Variants in CFAP20DC observed in about 807,000 individuals in gnomAD.
CFAP20DC encodes the protein CFAP20 domain containing.
CFAP20DC carries 84 observed loss-of-function variants against 101.7 expected under a neutral mutation model. The observed-to-expected ratio is 0.83, with a 90% confidence interval of 0.69 to 0.99. CFAP20DC has a LOEUF of 0.99. Among genes scored for constraint, CFAP20DC ranks in the 50% least tolerant of loss-of-function variants. The pLI is 0.00. For missense variants in CFAP20DC, 1,007 were observed against 970.3 expected (o/e 1.04, Z -0.50); for synonymous variants, 359 against 351.2 (o/e 1.02, Z -0.25).
At position 58,912,487 on chromosome 3, in the gene CFAP20DC, A is replaced by C. The variant is rs1047865954; in HGVS notation, c.550+1221T>G. 6.4e-6 allele frequency: 2 copies of C among 314,138 alleles called. No homozygotes were observed. The highest frequency in any genetic ancestry group is 8.6e-5 in the Admixed American group (2 of 23,298). 19.5% of individuals were successfully genotyped at this position (314,138 alleles called of 1,614,324 possible). A position where few individuals can be genotyped will look rare whatever the true frequency, so the allele number is the denominator to read the frequency against. On this transcript the variant is annotated intron_variant, in intron 6 of 16. Coordinates refer to ENST00000482387, the MANE Select transcript of CFAP20DC (RefSeq NM_001394063.1). The surrounding 1 kb of genome is among the most constrained non-coding windows in gnomAD (Gnocchi z 4.4). ...GCACAGTGTCCTGTTCCACAGAGTG[A>C]GCCACATCAAGATTTCTCAGGCACA...
In CFAP20DC at chr3:58,757,432, G is replaced by T. The variant is rs552609180; in HGVS notation, c.2238-3569C>A. Among the ~76,000 whole-genome samples, 5 of 151,672 alleles carry T rather than the reference G, an allele frequency of 3.3e-5. No homozygotes were observed. The South Asian group carries it at 1.0e-3, about 32-fold the overall frequency. ...ATATATATGATTGTTCACATCTTTT[G>T]CCCTTTCTTCTATCAGATTTTTTAT... On this transcript the variant is annotated intron_variant, in intron 15 of 16. Coordinates refer to ENST00000482387, the MANE Select transcript of CFAP20DC (RefSeq NM_001394063.1).
rs1381424538 is a variant in CFAP20DC at position 58,911,374 on chromosome 3, AT to A, written c.550+2333del. On this transcript the variant is annotated intron_variant, in intron 6 of 16. Coordinates refer to ENST00000482387, the MANE Select transcript of CFAP20DC (RefSeq NM_001394063.1). ...CATGAAATATGTACTATGTGATTCC[AT>A]TTATATAAATGTAAAAGATAGGTAA... Among the ~76,000 whole-genome samples, 3 of 152,192 alleles carry A rather than the reference AT, an allele frequency of 2.0e-5. No individual in the cohort carries two copies. In the East Asian group the frequency reaches 5.8e-4, roughly 29 times the overall value.
rs1306838410 is a variant in CFAP20DC, at chr3:59,015,269, G to C, written c.278+24288C>G. ...CCTCAGGCACCCACTTTCTCTTCTT[G>C]AGTAAGTTTACTCCCACAGGAGTAG... On this transcript the variant is annotated intron_variant, in intron 4 of 16. Coordinates refer to ENST00000482387, the MANE Select transcript of CFAP20DC (RefSeq NM_001394063.1). This position sits in a 1 kb window ranked among gnomAD's most constrained non-coding sequence, Gnocchi z 5.4. 6.6e-6 allele frequency among the ~76,000 whole-genome samples: 1 copy of C among 151,972 alleles called. No individual in the cohort carries two copies. Among genetic ancestry groups the C allele is most frequent in the African/African-American group, 2.4e-5 (1 of 41,374 alleles).
chr3:58,896,026 C>G (rs781617076), intron 6 of CFAP20DC, among the ~76,000 whole-genome samples: 1 of 152,190 alleles, frequency 6.6e-6, no homozygotes, highest in Non-Finnish European at 1.5e-5. Context: ...AAGATGAGAT[C>G]TGGGTGGGGA....
intron 15 of CFAP20DC, among the ~76,000 whole-genome samples, chr3:58,763,192 G>T (rs1336968897): frequency 2.0e-5 from 3 of 151,996 alleles, no homozygotes; most frequent in Admixed American, 2.0e-4. Flanking sequence ...ACGTAGATTT[G>T]GTCTTTTCAC....
chr3:58,874,068 C>T lies in CFAP20DC; in HGVS notation c.716-3759G>A, dbSNP rs1419045109. Among the ~76,000 whole-genome samples, 1 of 152,232 alleles carries T rather than the reference C, an allele frequency of 6.6e-6. No individual in the cohort carries two copies. The highest frequency in any genetic ancestry group is 1.9e-4 in the East Asian group (1 of 5,200). On this transcript the variant is annotated intron_variant, in intron 7 of 16. Transcript: ENST00000482387. This position sits in a 1 kb window ranked among gnomAD's most constrained non-coding sequence, Gnocchi z 5.1. The stretch of plus-strand genomic sequence containing the variant: ...CTTAATTTATATCTCTTAGCCTTGT[C>T]CTCTCTTCTGAGCTCCACTCCTTAT...
intron 3 of CFAP20DC, among the ~76,000 whole-genome samples, chr3:58,731,529 G>A (rs2067646137): frequency 6.6e-6 from 1 of 152,206 alleles, no homozygotes; most frequent in Non-Finnish European, 1.5e-5. Context: ...TGGGAAGAGT[G>A]AAAGGATGCC....
At chr3:58,793,743 A>G (rs2073033834) in intron 15 of CFAP20DC, among the ~76,000 whole-genome samples, 1 of 152,178 alleles carries the variant, frequency 6.6e-6, no homozygotes, top group South Asian at 2.1e-4. Flanking sequence ...TCATTACCAT[A>G]AATGTCACTG....
At chr3:58,968,032 G>C (rs537477465) in intron 4 of CFAP20DC, among the ~76,000 whole-genome samples, 1 of 152,174 alleles carries the variant, frequency 6.6e-6, no homozygotes, top group Non-Finnish European at 1.5e-5. Context: ...TCCTGCAAAA[G>C]ACATGATCTT....
rs1181654552 is a variant in CFAP20DC at position 59,002,071 on chromosome 3, G to T, written c.278+37486C>A. Among the ~76,000 whole-genome samples the T allele has an allele frequency of 1.3e-5, 2 of 152,202 alleles. No individual in the cohort carries two copies. Among genetic ancestry groups the T allele is most frequent in the Non-Finnish European group, 2.9e-5 (2 of 68,032 alleles). The stretch of plus-strand genomic sequence containing the variant: ...TCGTTTACCTAGGAGGCAATATCAT[G>T]AAGTTAAAAGTCCATGGATTGTCAG... On this transcript the variant is annotated intron_variant, in intron 4 of 16. Coordinates refer to ENST00000482387, the MANE Select transcript of CFAP20DC (RefSeq NM_001394063.1). The surrounding 1 kb of genome is among the most constrained non-coding windows in gnomAD (Gnocchi z 4.5).
At chr3:58,794,347 G>T (rs1292675824) in intron 15 of CFAP20DC, 2 of 455,708 alleles carry the variant, frequency 4.4e-6, no homozygotes, top group South Asian at 3.1e-5. Flanking sequence ...AAAATCAATG[G>T]ACAAGAAAGA....
chr3:58,748,879 C>T (rs2068378638), intron 16 of CFAP20DC, among the ~76,000 whole-genome samples: 1 of 152,170 alleles, frequency 6.6e-6, no homozygotes, highest in Admixed American at 6.5e-5. Context: ...GATGCACACT[C>T]AGGGTCTGTG....
At chr3:58,932,643 T>A (rs1308873900) in intron 5 of CFAP20DC, among the ~76,000 whole-genome samples, 1 of 152,150 alleles carries the variant, frequency 6.6e-6, no homozygotes, top group African/African-American at 2.4e-5. Context: ...AAAAGAATTT[T>A]CAACCCAGAA....
intron 16 of CFAP20DC, among the ~76,000 whole-genome samples, chr3:58,748,394 G>C (rs1271697065): frequency 6.6e-6 from 1 of 152,152 alleles, no homozygotes; most frequent in East Asian, 1.9e-4. Context: ...TCTGGAATAG[G>C]AGAAAGAGCC....
intron 4 of CFAP20DC, among the ~76,000 whole-genome samples, chr3:58,996,315 T>C (rs566061596): frequency 3.3e-5 from 5 of 152,332 alleles, no homozygotes; most frequent in African/African-American, 9.6e-5. Context: ...CTTCCTGATA[T>C]CTGGGAAAGC....
At chr3:59,037,929 C>T (rs774106423) in intron 4 of CFAP20DC, among the ~76,000 whole-genome samples, 11 of 152,054 alleles carry the variant, frequency 7.2e-5, no homozygotes, top group Non-Finnish European at 1.5e-4. Flanking sequence ...ATATGCACCA[C>T]GGAATACTAT....
chr3:58,776,158 C>G (rs960511458), intron 15 of CFAP20DC, among the ~76,000 whole-genome samples: 1 of 152,160 alleles, frequency 6.6e-6, no homozygotes, highest in African/African-American at 2.4e-5. Context: ...GAGACCCAAG[C>G]TGAGCAACAG....
intron 15 of CFAP20DC, among the ~76,000 whole-genome samples, chr3:58,775,640 T>G (rs2071262018): frequency 6.6e-6 from 1 of 152,100 alleles, no homozygotes; most frequent in Non-Finnish European, 1.5e-5. Flanking sequence ...TATATAGTAG[T>G]CACTCAATAA....
chr3:59,038,534 C>A lies in CFAP20DC; in HGVS notation c.278+1023G>T, dbSNP rs185170317. ...TTACAAATTGAAGGTTTGTAGCAACCCTGTGTCAAGAAATCTATCAGTGCC... is the reference window on the plus strand; with the variant it reads ...TTACAAATTGAAGGTTTGTAGCAACACTGTGTCAAGAAATCTATCAGTGCC... On this transcript the variant is annotated intron_variant, in intron 4 of 16. Transcript: ENST00000482387. 5.5e-4 allele frequency among the ~76,000 whole-genome samples: 83 copies of A among 152,190 alleles called. 1 individual carries two copies. Among genetic ancestry groups the A allele is most frequent in the African/African-American group, 1.8e-3 (76 of 41,512 alleles).
Sources: gnomAD v4.1 joint callset for allele counts (sites outside exome capture counted in the v4.1 genomes callset) on GRCh38, gnomAD v4.1.1 for gene constraint, Gnocchi (gnomAD v3.1) non-coding constraint, MANE v1.5 for transcripts, NCBI Gene and HGNC (gene_info 2026-07-23, HGNC 2026-07-21) for gene names.